The following RNF123 variants were observed in gnomAD, a reference collection of about 807,000 sequenced individuals.
RNF123 encodes ring finger protein 123, also known as E3 ubiquitin-protein ligase RNF123.
Under a neutral mutation model 168.5 loss-of-function variants are expected in RNF123, and 86 were observed. The ratio of observed to expected loss-of-function variants is 0.51; its 90% CI spans 0.43 to 0.61. The LOEUF is 0.61. RNF123 is among the 20% of genes least tolerant of loss of function. The probability of loss-of-function intolerance (pLI) is 0.00; values close to 1 mark genes in which losing one functional copy is unlikely to be tolerated. For synonymous variants in RNF123, 666 were observed against 689.1 expected (o/e 0.97, Z 0.52); for missense variants, 1,419 against 1,729.7 (o/e 0.82, Z 3.19).
Position 49,713,519 on chromosome 3 carries a change from A to G in RNF123, c.2681A>G (p.Glu894Gly), listed in dbSNP as rs2080182178. The G allele has an allele frequency of 6.2e-7, 1 of 1,609,094 alleles. No individual in the cohort carries two copies. The highest frequency in any genetic ancestry group is 1.3e-5 in the African/African-American group (1 of 74,838). ...VHSMEELPGY[E>G]ETLTRLAAIL... ...TCACTTCCCACCCTTGCAGGCTATG[A>G]AGAGACCCTGACCCGCCTGGCTGCC... Residue 894 changes from glutamate to glycine, a missense_variant, in exon 28 of 39, where the codon GAA (glutamate) becomes GGA (glycine). Transcript: ENST00000327697.
In RNF123 at chr3:49,712,462, C is replaced by T. The variant is rs989665771; in HGVS notation, c.2497-17C>T. The stretch of plus-strand genomic sequence containing the variant: ...CACTGGTGCGCAACCCAGCAGCACC[C>T]CGTGTGCCTCCTGCAGGAGAAGATG... On this transcript the variant is annotated splice_polypyrimidine_tract_variant and intron_variant, in intron 26 of 38. Coordinates refer to ENST00000327697, the MANE Select transcript of RNF123 (RefSeq NM_022064.5). 6.2e-7 allele frequency: 1 copy of T among 1,613,368 alleles called. No homozygotes were observed. Among genetic ancestry groups the T allele is most frequent in the Non-Finnish European group, 8.5e-7 (1 of 1,179,856 alleles).
At chr3:49,707,965 G>C (rs1021171128) in intron 26 of RNF123, among the ~76,000 whole-genome samples, 1 of 151,904 alleles carries the variant, frequency 6.6e-6, no homozygotes, top group African/African-American at 2.4e-5. Flanking sequence ...TACCATCCTA[G>C]CTGTGTTTTT....
intron 26 of RNF123, among the ~76,000 whole-genome samples, chr3:49,707,350 A>G (rs1485419237): frequency 6.6e-6 from 1 of 152,126 alleles, no homozygotes; most frequent in East Asian, 1.9e-4. Context: ...CATGCACTCA[A>G]AACCTGGTGT....
chr3:49,712,377 C>A, intron 26 of RNF123, 102 bp from the exon 27 acceptor site: 1 of 1,081,340 alleles, frequency 9.2e-7, no homozygotes, highest in Non-Finnish European at 1.3e-6. Flanking sequence ...CTCAGTTGTG[C>A]TGTCGTAGGC....
In RNF123 at chr3:49,714,182, T is replaced by G; in HGVS notation, c.3010+8T>G. The G allele has an allele frequency of 1.2e-6, 2 of 1,613,954 alleles. No homozygotes were observed. The highest frequency in any genetic ancestry group is 1.7e-6 in the Non-Finnish European group (2 of 1,179,896). On this transcript the variant is annotated splice_region_variant and intron_variant, in intron 31 of 38. Transcript: ENST00000327697. ...ATTTGCCCAGCCTCCAGAGTGAGTA[T>G]CTGGGTTGGGCGAGTCCTGGGCAAG... is the stretch of plus-strand genomic sequence containing the variant.
chr3:49,697,335 T>G, intron 4 of RNF123, 28 bp from the exon 5 acceptor site: 1 of 1,604,202 alleles, frequency 6.2e-7, no homozygotes, highest in Non-Finnish European at 8.5e-7. Flanking sequence ...TGCTCCACCC[T>G]GCCTGACCCC....
chr3:49,704,941 A>G, intron 22 of RNF123, 43 bp from the exon 23 acceptor site: 1 of 1,549,670 alleles, frequency 6.5e-7, no homozygotes, highest in Non-Finnish European at 8.7e-7. Flanking sequence ...GGCCAAGGGA[A>G]CCCTGAGCCA....
chr3:49,697,124 A>T lies in RNF123; in HGVS notation c.168-19A>T. Reference sequence around the variant, plus strand: ...TTTCAAGGACTTGTGGACCCCTGGCAGCCTCTCACTCTCCCCAGGAAACCC... The same window carrying T: ...TTTCAAGGACTTGTGGACCCCTGGCTGCCTCTCACTCTCCCCAGGAAACCC... On this transcript the variant is annotated intron_variant, in intron 3 of 38. Coordinates refer to ENST00000327697, the MANE Select transcript of RNF123 (RefSeq NM_022064.5). 1 of 1,606,280 alleles carries T rather than the reference A, an allele frequency of 6.2e-7. No homozygotes were observed. The highest frequency in any genetic ancestry group is 8.5e-7 in the Non-Finnish European group (1 of 1,173,144).
chr3:49,713,710 C>A, intron 28 of RNF123, 28 bp from the exon 29 acceptor site: 1 of 1,583,024 alleles, frequency 6.3e-7, no homozygotes, highest in South Asian at 1.1e-5. Context: ...ATGCCAAGCC[C>A]CTGCTGAGGC....
chr3:49,713,965 C>T lies in RNF123; in HGVS notation c.2893C>T (p.Gln965Ter). 1 of 1,614,070 alleles carries T rather than the reference C, an allele frequency of 6.2e-7. No homozygotes were observed. Among genetic ancestry groups the T allele is most frequent in the Non-Finnish European group, 8.5e-7 (1 of 1,180,000 alleles). ...LAPYEQRPWA[Q>*]TNWILVRLWR... ...GCCCTATGAGCAGCGGCCCTGGGCCCAGACCAACTGGATCCTGGTGCGGCT... is the reference window on the plus strand; with the variant it reads ...GCCCTATGAGCAGCGGCCCTGGGCCTAGACCAACTGGATCCTGGTGCGGCT... The change falls in exon 30 of 39, where the codon CAG becomes TAG. Residue 965 changes from glutamine to a stop codon, truncating the protein, a stop_gained. Coordinates refer to ENST00000327697, the MANE Select transcript of RNF123 (RefSeq NM_022064.5). LOFTEE classifies it high-confidence loss of function.
chr3:49,690,663 G>A (rs1379917509), intron 1 of RNF123, among the ~76,000 whole-genome samples: 2 of 152,320 alleles, frequency 1.3e-5, no homozygotes, highest in East Asian at 3.9e-4. Flanking sequence ...GGGAGTAAGT[G>A]GGACTTATGG....
At position 49,706,006 on chromosome 3, in the gene RNF123, A is replaced by G; in HGVS notation, c.2329A>G (p.Asn777Asp). Reference sequence around the variant, plus strand: ...GATGGTGGGTGTCTCCGATGATGTCAATGAATACGCTATGGCTCTGAGGGA... The same window carrying G: ...GATGGTGGGTGTCTCCGATGATGTCGATGAATACGCTATGGCTCTGAGGGA... ...GKMVGVSDDV[N>D]EYAMALRDTE... Residue 777 changes from asparagine to aspartate, a missense_variant, in exon 25 of 39, where the codon AAT becomes GAT. Around this residue, in one of 5 missense-constraint regions of RNF123, gnomAD observed 538 missense variants for 708.8 expected, o/e 0.76. Coordinates refer to ENST00000327697, the MANE Select transcript of RNF123 (RefSeq NM_022064.5). The G allele has an allele frequency of 6.2e-7, 1 of 1,614,124 alleles. No homozygotes were observed. The highest frequency in any genetic ancestry group is 8.5e-7 in the Non-Finnish European group (1 of 1,180,032).
chr3:49,696,894 C>T (rs537841224), intron 3 of RNF123, among the ~76,000 whole-genome samples: 3 of 152,334 alleles, frequency 2.0e-5, no homozygotes, highest in Non-Finnish European at 1.5e-5. Flanking sequence ...GATCTGCCCG[C>T]CTCGGCCTCC....
At chr3:49,705,881 A>G (rs2054506648) in intron 24 of RNF123, 101 bp from the exon 25 acceptor site, 1 of 1,479,076 alleles carries the variant, frequency 6.8e-7, no homozygotes, top group Non-Finnish European at 9.4e-7. Context: ...CCCTGGGCCT[A>G]AGGTTGGGAC....
At chr3:49,709,248 C>T (rs1319781291) in intron 26 of RNF123, among the ~76,000 whole-genome samples, 1 of 151,986 alleles carries the variant, frequency 6.6e-6, no homozygotes, top group Non-Finnish European at 1.5e-5. Flanking sequence ...TCTCCTGCCT[C>T]AGCCTCCTGA....
At chr3:49,696,411 C>T (rs1428626775) in intron 3 of RNF123, among the ~76,000 whole-genome samples, 1 of 150,354 alleles carries the variant, frequency 6.7e-6, no homozygotes, top group African/African-American at 2.5e-5. Context: ...TGCAGTGGCA[C>T]GATCATGGCT....
chr3:49,705,394 AC>A lies in RNF123; in HGVS notation c.2159-135del, dbSNP rs972877675. 3.1e-6 allele frequency: 4 copies of A among 1,298,770 alleles called. No individual in the cohort carries two copies. In the Admixed American group the frequency reaches 1.0e-4, roughly 34 times the overall value. 80.5% of individuals were successfully genotyped at this position (1,298,770 alleles called of 1,614,324 possible). A position where few individuals can be genotyped will look rare whatever the true frequency, so the allele number is the denominator to read the frequency against. ...AGGCCTTGCCCTGCACTCCACCCCTACCCCCATGCCCCCATGGGCTCCCCGC... is the reference window on the plus strand; with the variant it reads ...AGGCCTTGCCCTGCACTCCACCCCTACCCCATGCCCCCATGGGCTCCCCGC... On this transcript the variant is annotated intron_variant, in intron 23 of 38. Coordinates refer to ENST00000327697, the MANE Select transcript of RNF123 (RefSeq NM_022064.5).
intron 3 of RNF123, chr3:49,696,903 C>T: frequency 2.1e-6 from 1 of 470,006 alleles, no homozygotes; most frequent in South Asian, 1.9e-5. Context: ...GCCTCGGCCT[C>T]CCAAAGTGCT....
Position 49,703,462 on chromosome 3 carries a change from A to G in RNF123, c.1786A>G (p.Lys596Glu), listed in dbSNP as rs35726701. ...YIPPQVFYNG[K>E]VDYFDLQRLG... The stretch of plus-strand genomic sequence containing the variant: ...CCCGCCCCAGGTCTTCTATAATGGC[A>G]AGGTGGACTACTTTGACCTGCAGCG... The change falls in exon 21 of 39, where the codon AAG becomes GAG. Residue 596 changes from lysine to glutamate, a missense_variant. Physicochemically the swap from Lys to Glu is moderately conservative, Grantham distance 56. Coordinates refer to ENST00000327697, the MANE Select transcript of RNF123 (RefSeq NM_022064.5). The G allele has an allele frequency of 0.018, 29,592 of 1,613,898 alleles. 327 individuals are homozygous for G. Among genetic ancestry groups the G allele is most frequent in the Non-Finnish European group, 0.022 (26,036 of 1,179,876 alleles).
Sources: gnomAD v4.1 joint callset for allele counts (sites outside exome capture counted in the v4.1 genomes callset) on GRCh38, gnomAD v4.1.1 for gene constraint, gnomAD v4.1.1 regional missense constraint, MANE v1.5 for transcripts, NCBI Gene and HGNC (gene_info 2026-07-23, HGNC 2026-07-21) for gene names.